MTBP: variants seen among roughly 807,000 people sequenced by gnomAD.
MTBP encodes the protein mdm2-binding protein.
Under a neutral mutation model 117.0 loss-of-function variants are expected in MTBP, and 101 were observed. That is an observed-to-expected ratio of 0.86 (90% CI 0.73 to 1.02). The LOEUF (loss-of-function observed/expected upper bound fraction) is 1.02. Among genes scored for constraint, MTBP ranks in the 50% least tolerant of loss-of-function variants. The probability of loss-of-function intolerance (pLI) is 0.00; values close to 1 mark genes in which losing one functional copy is unlikely to be tolerated. For missense variants in MTBP, 970 were observed against 1,030.9 expected (o/e 0.94, Z 0.81); for synonymous variants, 350 against 351.5 (o/e 1.00, Z 0.05).
chr8:120,471,290 A>C (rs906109038), intron 11 of MTBP: 8 of 160,414 alleles, frequency 5.0e-5, no homozygotes, highest in Non-Finnish European at 1.1e-4. Flanking sequence ...TTTTTGAAGA[A>C]ATTAGTAGAA....
At chr8:120,481,428 T>A (rs1814082272) in intron 11 of MTBP, among the ~76,000 whole-genome samples, 1 of 141,878 alleles carries the variant, frequency 7.0e-6, no homozygotes, top group South Asian at 2.4e-4. Flanking sequence ...TGCAAATATT[T>A]ATCATCTGGT....
rs1386339408 is a variant in MTBP, at chr8:120,523,442, GA to G, written c.*108del. The G allele has an allele frequency of 1.7e-6, 1 of 605,148 alleles. No homozygotes were observed. The highest frequency in any genetic ancestry group is 3.1e-5 in the East Asian group (1 of 32,588). The allele number at this position is 605,148 out of a possible 1,614,324, so 37.5% of individuals were successfully genotyped here. ...AAACAAATTTTAAGCTTTATTCAAA[GA>G]ATAGATGTTATATTTCTAAAGAATT... On this transcript the variant is annotated 3_prime_UTR_variant, in exon 22 of 22. Transcript: ENST00000305949.
In MTBP at chr8:120,502,562, T is replaced by A; in HGVS notation, c.1680T>A (p.His560Gln). Residue 560 changes from histidine (H) to glutamine (Q), a missense_variant, in exon 15 of 22, where the codon CAT (histidine) becomes CAA (glutamine). Coordinates refer to ENST00000305949, the MANE Select transcript of MTBP (RefSeq NM_022045.5). ...ATCCTCTGGAATGGCCAGAAAGGCA[T>A]GTTCTTCAAAATTTGGAAACTTTTG... is the stretch of plus-strand genomic sequence containing the variant. Reference protein sequence around the residue: ...ETNPLEWPERHVLQNLETFEK... With the variant: ...ETNPLEWPERQVLQNLETFEK... 2 of 1,604,940 alleles carry A rather than the reference T, an allele frequency of 1.2e-6. No individual in the cohort carries two copies. The highest frequency in any genetic ancestry group is 3.3e-4 in the Middle Eastern group (2 of 6,028).
intron 17 of MTBP, among the ~76,000 whole-genome samples, chr8:120,514,604 C>T (rs1172588434): frequency 6.6e-6 from 1 of 151,966 alleles, no homozygotes; most frequent in Non-Finnish European, 1.5e-5. Context: ...AGATAGTATA[C>T]CAAAATGGTT....
chr8:120,461,237 C>T lies in MTBP; in HGVS notation c.959C>T (p.Ser320Leu), dbSNP rs770508728. 5.6e-6 allele frequency: 9 copies of T among 1,595,646 alleles called. No individual in the cohort carries two copies. Among genetic ancestry groups the T allele is most frequent in the African/African-American group, 1.3e-5 (1 of 74,568 alleles). Residue 320 changes from serine (S) to leucine (L), a missense_variant, in exon 9 of 22, where the codon TCG becomes TTG. Ser to Leu is a moderately radical substitution (Grantham distance 145, BLOSUM62 -2). Coordinates refer to ENST00000305949, the MANE Select transcript of MTBP (RefSeq NM_022045.5). Reference sequence around the variant, plus strand: ...TCAGATCTACCCTCCTGCTATATGTCGGATATTGAATTTGAGTTGTATCCT... The same window carrying T: ...TCAGATCTACCCTCCTGCTATATGTTGGATATTGAATTTGAGTTGTATCCT... ...KLSDLPSCYM[S>L]DIEFELGLTN...
At position 120,506,766 on chromosome 8, in the gene MTBP, C is replaced by T; in HGVS notation, c.1788C>T (p.Asp596=). ...TGGGCCACAAAGAGGGTCCTCGGGA[C>T]TCAATCACATTGTTGGATGCTAAAG... ...QLLGHKEGPR[D]SITLLDAKEL... is the part of the protein sequence containing the mutation. The change falls in exon 16 of 22, where the codon GAC becomes GAT. Residue 596 remains aspartate (D), a synonymous_variant. Transcript: ENST00000305949. 1 of 1,613,472 alleles carries T rather than the reference C, an allele frequency of 6.2e-7. No homozygotes were observed. Among genetic ancestry groups the T allele is most frequent in the Non-Finnish European group, 8.5e-7 (1 of 1,179,582 alleles).
chr8:120,506,638 T>C, intron 15 of MTBP, 68 bp from the exon 16 acceptor site: 1 of 1,255,630 alleles, frequency 8.0e-7, no homozygotes, highest in Admixed American at 3.4e-5. Context: ...CTTTTTTTTT[T>C]TTTTGACTCT....
In MTBP at chr8:120,518,117, C is replaced by T; in HGVS notation, c.2496+17C>T. The T allele has an allele frequency of 6.2e-7, 1 of 1,605,014 alleles. No homozygotes were observed. The highest frequency in any genetic ancestry group is 8.5e-7 in the Non-Finnish European group (1 of 1,175,460). On this transcript the variant is annotated intron_variant, in intron 19 of 21. Transcript: ENST00000305949. Reference sequence around the variant, plus strand: ...CACACACGGGTAAAGATTTATTTCCCATTTTTCTTAGTTCTACATAGGAAG... The same window carrying T: ...CACACACGGGTAAAGATTTATTTCCTATTTTTCTTAGTTCTACATAGGAAG...
chr8:120,515,680 C>T (rs1814903268), intron 17 of MTBP, among the ~76,000 whole-genome samples: 1 of 151,762 alleles, frequency 6.6e-6, no homozygotes, highest in African/African-American at 2.4e-5. Flanking sequence ...AATCTGTTGC[C>T]CAGAAACACA....
At chr8:120,475,228 T>C (rs1367874563) in intron 11 of MTBP, among the ~76,000 whole-genome samples, 1 of 151,988 alleles carries the variant, frequency 6.6e-6, no homozygotes, top group East Asian at 1.9e-4. Context: ...ACAAACAGAC[T>C]CTTCTCCTGA....
Position 120,497,538 on chromosome 8 carries a change from C to T in MTBP, c.1593C>T (p.Thr531=). 1.3e-6 allele frequency: 2 copies of T among 1,511,952 alleles called. No homozygotes were observed. The highest frequency in any genetic ancestry group is 1.8e-6 in the Non-Finnish European group (2 of 1,106,632). 93.7% of individuals were successfully genotyped at this position (1,511,952 alleles called of 1,614,324 possible). The change falls in exon 14 of 22, where the codon ACC becomes ACT. Residue 531 remains threonine, a synonymous_variant. Transcript: ENST00000305949. ...TAAGAAAGATGGACAAAATTAAAAC[C>T]TTCAATATATTAAATGGTAAGTTTT... ...MILRKMDKIK[T]FNILNDFSPV...
chr8:120,475,221 A>G (rs960833250), intron 11 of MTBP, among the ~76,000 whole-genome samples: 7 of 151,950 alleles, frequency 4.6e-5, no homozygotes, highest in African/African-American at 1.4e-4. Flanking sequence ...TAAAGTTACA[A>G]ACAGACTCTT....
chr8:120,469,666 G>T (rs1386780837), intron 10 of MTBP, among the ~76,000 whole-genome samples: 1 of 152,068 alleles, frequency 6.6e-6, no homozygotes, highest in Non-Finnish European at 1.5e-5. Context: ...TTTGTTTTTT[G>T]TCTAACATCA....
chr8:120,471,051 A>G (rs1029351754), intron 11 of MTBP, 114 bp downstream of exon 11: 2 of 703,948 alleles, frequency 2.8e-6, no homozygotes, highest in Non-Finnish European at 2.3e-6. Flanking sequence ...TATTATTGCT[A>G]CTGATTACCA....
chr8:120,469,726 A>C (rs1172262003), intron 10 of MTBP, among the ~76,000 whole-genome samples: 1 of 152,236 alleles, frequency 6.6e-6, no homozygotes, highest in Non-Finnish European at 1.5e-5. Flanking sequence ...GTTATTAGCC[A>C]GAAAACATAA....
chr8:120,445,612 C>A, intron 1 of MTBP, 24 bp downstream of exon 1: 3 of 1,569,354 alleles, frequency 1.9e-6, no homozygotes, highest in Non-Finnish European at 2.6e-6. Flanking sequence ...TGAGAAAGAG[C>A]GGGAACGGCT....
chr8:120,490,480 T>C lies in MTBP; in HGVS notation c.1357T>C (p.Leu453=). 3 of 1,604,334 alleles carry C rather than the reference T, an allele frequency of 1.9e-6. No individual in the cohort carries two copies. Among genetic ancestry groups the C allele is most frequent in the Non-Finnish European group, 2.6e-6 (3 of 1,176,224 alleles). Residue 453 remains leucine, a synonymous_variant, in exon 13 of 22, where the codon TTA becomes CTA. Coordinates refer to ENST00000305949, the MANE Select transcript of MTBP (RefSeq NM_022045.5). ...TTTCTCAGGTTTTCCTTTTGACTTA[T>C]TATCACTTCCACATTTTTCTGGGGA... ...EAKLSFPFDL[L]SLPHFSGEQI...
intron 13 of MTBP, chr8:120,490,794 A>G: frequency 3.2e-6 from 1 of 317,028 alleles, no homozygotes; most frequent in East Asian, 5.8e-5. Context: ...TTGTAAAAGT[A>G]TTTCAACAGG....
intron 10 of MTBP, among the ~76,000 whole-genome samples, chr8:120,465,291 T>C (rs1373613904): frequency 2.0e-5 from 3 of 152,154 alleles, no homozygotes; most frequent in Non-Finnish European, 2.9e-5. Flanking sequence ...TAGTAGAAAG[T>C]CTTAAATAGA....
Sources: allele counts gnomAD v4.1 joint callset (sites outside exome capture counted in the v4.1 genomes callset), GRCh38; gene constraint gnomAD v4.1.1; transcripts MANE v1.5; gene names NCBI Gene and HGNC (gene_info 2026-07-23, HGNC 2026-07-21).